The following MRTFB variants were observed in gnomAD, a reference collection of about 807,000 sequenced individuals.
MRTFB encodes the protein myocardin related transcription factor B, also known as myocardin-related transcription factor B.
A neutral mutation model predicts 104.2 loss-of-function variants in MRTFB; 29 were observed. That is an observed-to-expected ratio of 0.28 (90% CI 0.21 to 0.38). MRTFB has a LOEUF of 0.38. Among genes scored for constraint, MRTFB ranks in the 10% least tolerant of loss-of-function variants. MRTFB has a pLI of 1.00. For missense variants in MRTFB, 1,270 were observed against 1,341.6 expected (o/e 0.95, Z 0.83); for synonymous variants, 535 against 519.5 (o/e 1.03, Z -0.41).
At chr16:14,075,345 G>A (rs1273525318) in intron 1 of MRTFB, among the ~76,000 whole-genome samples, 1 of 152,214 alleles carries the variant, frequency 6.6e-6, no homozygotes, top group African/African-American at 2.4e-5. Flanking sequence ...CACACCATCA[G>A]CACGTCAGCA....
At chr16:14,048,576 C>T in the MRTFB span, among the ~76,000 whole-genome samples, 2 of 152,170 alleles carry the variant, frequency 1.3e-5, no homozygotes, top group Non-Finnish European at 2.9e-5. Flanking sequence ...CCAGAGTGTG[C>T]AGGGCCTTTG....
chr16:13,998,918 C>T, the MRTFB span, among the ~76,000 whole-genome samples: 1 of 111,906 alleles, frequency 8.9e-6, no homozygotes, highest in Non-Finnish European at 1.7e-5. Flanking sequence ...AAAGGCCGGT[C>T]ATGGGGGCTC....
intron 10 of MRTFB, among the ~76,000 whole-genome samples, chr16:14,242,380 G>A (rs779808891): frequency 3.3e-5 from 5 of 152,014 alleles, no homozygotes; most frequent in Admixed American, 2.0e-4. Flanking sequence ...AAAAGACCCA[G>A]GATATTAGAA....
At chr16:14,019,306 G>A in the MRTFB span, 1 of 152,098 alleles carries the variant, frequency 6.6e-6, no homozygotes, top group Non-Finnish European at 1.5e-5. Flanking sequence ...GGAGAAACTT[G>A]CCCCAGCCCT....
chr16:14,162,568 A>T (rs895680372), intron 3 of MRTFB, among the ~76,000 whole-genome samples: 1 of 152,184 alleles, frequency 6.6e-6, no homozygotes, highest in Non-Finnish European at 1.5e-5. Flanking sequence ...TACTACAACT[A>T]CTTGCAAGAA....
At chr16:14,243,159 A>T (rs369017707) in intron 10 of MRTFB, among the ~76,000 whole-genome samples, 17 of 152,348 alleles carry the variant, frequency 1.1e-4, no homozygotes, top group African/African-American at 4.1e-4. Flanking sequence ...TTTACAGTTG[A>T]ATTTTTATAA....
the MRTFB span, among the ~76,000 whole-genome samples, chr16:14,020,099 C>G: frequency 6.6e-6 from 1 of 152,126 alleles, no homozygotes; most frequent in Admixed American, 6.5e-5. Context: ...AATCCTCATT[C>G]TGGCCAAACT....
At chr16:14,038,833 A>C in the MRTFB span, among the ~76,000 whole-genome samples, 2 of 152,200 alleles carry the variant, frequency 1.3e-5, no homozygotes, top group African/African-American at 2.4e-5. Context: ...AAAGAGGTTT[A>C]ATGGACTCAC....
At chr16:14,224,707 C>T (rs1274656977) in intron 8 of MRTFB, among the ~76,000 whole-genome samples, 2 of 152,132 alleles carry the variant, frequency 1.3e-5, no homozygotes, top group Non-Finnish European at 2.9e-5. Flanking sequence ...AAGAAGAAAA[C>T]AGTCACCTGA....
At chr16:14,147,094 G>A (rs1250998742) in intron 3 of MRTFB, among the ~76,000 whole-genome samples, 3 of 152,190 alleles carry the variant, frequency 2.0e-5, no homozygotes, top group Non-Finnish European at 4.4e-5. Flanking sequence ...AGTGTTTCAT[G>A]TAATTCTCAA....
At chr16:14,083,206 A>G (rs1216765654) in intron 2 of MRTFB, among the ~76,000 whole-genome samples, 2 of 151,590 alleles carry the variant, frequency 1.3e-5, no homozygotes, top group African/African-American at 4.9e-5. Flanking sequence ...TTGATTTTAT[A>G]TCCTGCAACT....
chr16:14,174,037 T>C (rs2039503930), intron 3 of MRTFB, among the ~76,000 whole-genome samples: 1 of 152,184 alleles, frequency 6.6e-6, no homozygotes, highest in South Asian at 2.1e-4. Context: ...TTGTTTGTAA[T>C]TTTTTTACTT....
chr16:14,221,145 TA>T (rs2041683520), intron 8 of MRTFB, among the ~76,000 whole-genome samples: 2 of 152,362 alleles, frequency 1.3e-5, no homozygotes, highest in South Asian at 4.1e-4. Flanking sequence ...TTTAATTAAC[TA>T]CAGAGGCGAA....
At chr16:14,259,355 G>T (rs1001500808) in intron 16 of MRTFB, among the ~76,000 whole-genome samples, 3 of 152,090 alleles carry the variant, frequency 2.0e-5, no homozygotes, top group Admixed American at 6.6e-5. Flanking sequence ...ACACAATCAA[G>T]CTATTTTCTA....
upstream of MRTFB, among the ~76,000 whole-genome samples, chr16:14,069,461 C>T (rs2033567615): frequency 6.6e-6 from 1 of 152,180 alleles, no homozygotes; most frequent in South Asian, 2.1e-4. Flanking sequence ...CAGCTGCCAT[C>T]ATACATCCCC....
chr16:14,176,791 T>TA (rs2039597532), intron 3 of MRTFB, among the ~76,000 whole-genome samples: 2 of 152,222 alleles, frequency 1.3e-5, no homozygotes, highest in African/African-American at 4.8e-5. Flanking sequence ...CATGCATAAA[T>TA]ACAGTGCTGT....
the MRTFB span, among the ~76,000 whole-genome samples, chr16:14,037,349 T>C: frequency 6.6e-6 from 1 of 152,174 alleles, no homozygotes; most frequent in African/African-American, 2.4e-5. Flanking sequence ...ATCAGGACTA[T>C]GGTAGGCGGA....
the MRTFB span, among the ~76,000 whole-genome samples, chr16:14,034,407 A>C: frequency 6.6e-6 from 1 of 152,214 alleles, no homozygotes; most frequent in Non-Finnish European, 1.5e-5. Context: ...TGAGGCCAGG[A>C]GTTCAAGACC....
At chr16:14,022,841 C>G in the MRTFB span, among the ~76,000 whole-genome samples, 2 of 148,794 alleles carry the variant, frequency 1.3e-5, no homozygotes, top group Non-Finnish European at 3.0e-5. Context: ...GGATTACAGG[C>G]GCCTGCAACC....
Sources: allele counts gnomAD v4.1 joint callset (sites outside exome capture counted in the v4.1 genomes callset), GRCh38; gene constraint gnomAD v4.1.1; transcripts MANE v1.5; gene names NCBI Gene and HGNC (gene_info 2026-07-23, HGNC 2026-07-21).